RBCK1: variants seen among roughly 807,000 people sequenced by gnomAD.
RBCK1 encodes the protein RANBP2-type and C3HC4-type zinc finger containing 1.
RBCK1 carries 44 observed loss-of-function variants against 71.1 expected under a neutral mutation model. The ratio of observed to expected loss-of-function variants is 0.62; its 90% CI spans 0.49 to 0.80. The LOEUF (loss-of-function observed/expected upper bound fraction) is 0.80. RBCK1 is among the 30% of genes least tolerant of loss of function. RBCK1 has a pLI of 0.00. For missense variants in RBCK1, 569 were observed against 685.0 expected (o/e 0.83, Z 1.89); for synonymous variants, 306 against 279.7 (o/e 1.09, Z -0.94).
In RBCK1 at chr20:428,725, G is replaced by T; in HGVS notation, c.1308+136G>T. 1 of 1,360,270 alleles carries T rather than the reference G, an allele frequency of 7.4e-7. No individual in the cohort carries two copies. The allele number at this position is 1,360,270 out of a possible 1,614,324, so 84.3% of individuals were successfully genotyped here. A position where few individuals can be genotyped will look rare whatever the true frequency, so the allele number is the denominator to read the frequency against. ...TCCCTTCTGGCTGTCACTCCCATCC[G>T]GAGGTGGGACTTAGGCCGAATGGTC... On this transcript the variant is annotated intron_variant, in intron 10 of 11. Transcript: ENST00000356286. The surrounding 1 kb of genome is among the most constrained non-coding windows in gnomAD (Gnocchi z 5.7).
Position 422,289 on chromosome 20 carries a change from TG to T in RBCK1, c.1029+54del. The T allele has an allele frequency of 6.8e-7, 1 of 1,474,354 alleles. No homozygotes were observed. Among genetic ancestry groups the T allele is most frequent in the Non-Finnish European group, 9.4e-7 (1 of 1,058,216 alleles). The allele number at this position is 1,474,354 out of a possible 1,614,324, so 91.3% of individuals were successfully genotyped here. A position where few individuals can be genotyped will look rare whatever the true frequency, so the allele number is the denominator to read the frequency against. Reference sequence around the variant, plus strand: ...CCCCAAGTCCCAACTCCTAAGGAACTGGGCCCTGAGCAGGCAGCAGACATCT... The same window carrying T: ...CCCCAAGTCCCAACTCCTAAGGAACTGGCCCTGAGCAGGCAGCAGACATCT... On this transcript the variant is annotated intron_variant, in intron 8 of 11. Coordinates refer to ENST00000356286, the MANE Select transcript of RBCK1 (RefSeq NM_031229.4). The surrounding 1 kb of genome is among the most constrained non-coding windows in gnomAD (Gnocchi z 5.0).
intron 9 of RBCK1, 117 bp downstream of exon 9, chr20:427,609 T>G (rs1040755): frequency 8.9e-7 from 1 of 1,126,978 alleles, no homozygotes; most frequent in Non-Finnish European, 1.3e-6. Flanking sequence ...TGGTCATGAC[T>G]TAGAGCTACA....
intron 9 of RBCK1, 136 bp downstream of exon 9, chr20:427,628 G>A: frequency 1.0e-6 from 1 of 957,628 alleles, no homozygotes; most frequent in Non-Finnish European, 1.6e-6. Flanking sequence ...CATGTCAGTG[G>A]GAGAGTGTGG....
Position 419,656 on chromosome 20 carries a change from C to T in RBCK1, c.681C>T (p.Pro227=), listed in dbSNP as rs1053503459. 11 of 1,584,146 alleles carry T rather than the reference C, an allele frequency of 6.9e-6. No homozygotes were observed. The highest frequency in any genetic ancestry group is 9.4e-6 in the Non-Finnish European group (11 of 1,167,598). The change falls in exon 6 of 12, where the codon CCC becomes CCT. Residue 227 remains proline, a synonymous_variant. Coordinates refer to ENST00000356286, the MANE Select transcript of RBCK1 (RefSeq NM_031229.4). Reference sequence around the variant, plus strand: ...CGCGCCCCGAGGCCTACCAGGTCCCCGCCTCATACCAGCCCGACGAGGAGG... The same window carrying T: ...CGCGCCCCGAGGCCTACCAGGTCCCTGCCTCATACCAGCCCGACGAGGAGG... ...CRARPEAYQV[P]ASYQPDEEER...
intron 8 of RBCK1, among the ~76,000 whole-genome samples, chr20:426,817 T>G (rs1268265963): frequency 2.5e-5 from 2 of 79,644 alleles, no homozygotes; most frequent in Non-Finnish European, 4.3e-5. Flanking sequence ...TTTCTTTTCC[T>G]TTTTTTTTTT....
intron 11 of RBCK1, 119 bp downstream of exon 11, chr20:429,213 T>G: frequency 7.7e-7 from 1 of 1,302,200 alleles, no homozygotes; most frequent in Non-Finnish European, 1.0e-6. Flanking sequence ...TTTGTACAGC[T>G]CCCGAGGTAA....
chr20:411,381 CT>C (rs1033769252), intron 2 of RBCK1, among the ~76,000 whole-genome samples: 14 of 150,172 alleles, frequency 9.3e-5, no homozygotes, highest in African/African-American at 3.4e-4. Context: ...TTTTTTTTTT[CT>C]TTGAGATGGG....
Position 409,897 on chromosome 20 carries a change from G to A in RBCK1, c.39G>A (p.Leu13=). The A allele has an allele frequency of 6.2e-7, 1 of 1,614,072 alleles. No individual in the cohort carries two copies. The highest frequency in any genetic ancestry group is 1.1e-5 in the South Asian group (1 of 91,072). ...GGCTTTCAGCAGAGGAAATGGCCCT[G>A]AGCCTCACCCGAGCAGTGGCGGGCG... ...EKTKKAEEMA[L]SLTRAVAGGD... The change falls in exon 2 of 12, where the codon CTG becomes CTA. Residue 13 remains leucine, a synonymous_variant. Transcript: ENST00000356286.
intron 4 of RBCK1, among the ~76,000 whole-genome samples, chr20:418,370 GCTTT>G (rs1476253297): frequency 3.3e-5 from 5 of 151,988 alleles, no homozygotes; most frequent in African/African-American, 7.2e-5. Flanking sequence ...TACCACATGT[GCTTT>G]CTTTTTTTTT....
At chr20:429,264 T>C (rs1263622573) in intron 11 of RBCK1, among the ~76,000 whole-genome samples, 170 bp downstream of exon 11, 1 of 152,008 alleles carries the variant, frequency 6.6e-6, no homozygotes, top group Admixed American at 6.5e-5. Flanking sequence ...TTCACTCTTG[T>C]TGCCCAGGCT....
chr20:431,322 A>T lies in RBCK1; in HGVS notation c.*892A>T, dbSNP rs2017006711. ...TTGGCAGGTAGATAGTTCAAGAAGG[A>T]ACGAAGCTGCTGCAGTTGAGGGGTG... On this transcript the variant is annotated 3_prime_UTR_variant, in exon 12 of 12. Coordinates refer to ENST00000356286, the MANE Select transcript of RBCK1 (RefSeq NM_031229.4). This position sits in a 1 kb window ranked among gnomAD's most constrained non-coding sequence, Gnocchi z 4.8. 6.6e-6 allele frequency among the ~76,000 whole-genome samples: 1 copy of T among 152,068 alleles called. No individual in the cohort carries two copies. Among genetic ancestry groups the T allele is most frequent in the Non-Finnish European group, 1.5e-5 (1 of 68,008 alleles).
At chr20:413,317 AAAC>A (rs911560440) in intron 2 of RBCK1, among the ~76,000 whole-genome samples, 4 of 152,252 alleles carry the variant, frequency 2.6e-5, no homozygotes, top group African/African-American at 4.8e-5. Context: ...TGCAAAAAAA[AAAC>A]AACAACAACT....
In RBCK1 at chr20:428,503, C is replaced by T. The variant is rs1451948754; in HGVS notation, c.1222C>T (p.Gln408Ter). 3 of 1,608,978 alleles carry T rather than the reference C, an allele frequency of 1.9e-6. No homozygotes were observed. The highest frequency in any genetic ancestry group is 2.5e-6 in the Non-Finnish European group (3 of 1,177,820). The change falls in exon 10 of 12, where the codon CAG becomes TAG. Residue 408 changes from glutamine (Q) to a stop codon, truncating the protein, a stop_gained. Transcript: ENST00000356286. LOFTEE classifies it high-confidence loss of function. This position sits in a 1 kb window ranked among gnomAD's most constrained non-coding sequence, Gnocchi z 5.7. Reference protein sequence around the residue: ...NCLLCKAIHEQMNCKEYQEDL... With the variant: ...NCLLCKAIHE The stretch of plus-strand genomic sequence containing the variant: ...TCACCCGCTACAGGCCATCCATGAG[C>T]AGATGAACTGCAAGGAGTATCAGGA...
At chr20:410,761 G>A (rs1297139219) in intron 2 of RBCK1, 10 of 470,850 alleles carry the variant, frequency 2.1e-5, no homozygotes, top group Admixed American at 7.0e-5. Flanking sequence ...AGTGTCTATC[G>A]TTATTTTTTG....
chr20:413,814 A>C (rs1430003089), intron 2 of RBCK1, among the ~76,000 whole-genome samples: 1 of 152,022 alleles, frequency 6.6e-6, no homozygotes, highest in African/African-American at 2.4e-5. Context: ...TGGTAATAAC[A>C]TAGTTTACTT....
In RBCK1 at chr20:428,920, C is replaced by A; in HGVS notation, c.1309-31C>A. 6.3e-7 allele frequency: 1 copy of A among 1,582,456 alleles called. No homozygotes were observed. On this transcript the variant is annotated intron_variant, in intron 10 of 11. Coordinates refer to ENST00000356286, the MANE Select transcript of RBCK1 (RefSeq NM_031229.4). This position sits in a 1 kb window ranked among gnomAD's most constrained non-coding sequence, Gnocchi z 5.7. Reference sequence around the variant, plus strand: ...CCAGGCTGGGTGACTGCCCCAGCCCCGCCCCAGGGCCAGCACCTGCCCCAC... The same window carrying A: ...CCAGGCTGGGTGACTGCCCCAGCCCAGCCCCAGGGCCAGCACCTGCCCCAC...
intron 6 of RBCK1, chr20:420,210 C>T (rs930277702): frequency 3.7e-5 from 36 of 985,160 alleles, no homozygotes; most frequent in Non-Finnish European, 4.2e-5. Flanking sequence ...CCCCTGACTT[C>T]CTGAGAGCCT....
Position 428,673 on chromosome 20 carries a change from G to C in RBCK1, c.1308+84G>C. 7.0e-7 allele frequency: 1 copy of C among 1,433,264 alleles called. No homozygotes were observed. The highest frequency in any genetic ancestry group is 9.4e-7 in the Non-Finnish European group (1 of 1,068,138). The allele number at this position is 1,433,264 out of a possible 1,614,324, so 88.8% of individuals were successfully genotyped here. A position where few individuals can be genotyped will look rare whatever the true frequency, so the allele number is the denominator to read the frequency against. The stretch of plus-strand genomic sequence containing the variant: ...CTGGGGGCTTCCCAGTAAGGGCTGT[G>C]CTCACACATCCCTGGAGGCTCTGAC... On this transcript the variant is annotated intron_variant, in intron 10 of 11. Transcript: ENST00000356286. The surrounding 1 kb of genome is among the most constrained non-coding windows in gnomAD (Gnocchi z 5.7).
At chr20:425,274 G>A (rs997326854) in intron 8 of RBCK1, among the ~76,000 whole-genome samples, 1 of 152,170 alleles carries the variant, frequency 6.6e-6, no homozygotes, top group African/African-American at 2.4e-5. Context: ...GCCTCCCAAA[G>A]TGCTAGGATT....
Sources: gnomAD v4.1 joint callset for allele counts (sites outside exome capture counted in the v4.1 genomes callset) on GRCh38, gnomAD v4.1.1 for gene constraint, Gnocchi (gnomAD v3.1) non-coding constraint, MANE v1.5 for transcripts, NCBI Gene and HGNC (gene_info 2026-07-23, HGNC 2026-07-21) for gene names.